CEP128: variants seen among roughly 807,000 people sequenced by gnomAD.
CEP128 encodes centrosomal protein 128kDa.
Under a neutral mutation model 156.7 loss-of-function variants are expected in CEP128, and 132 were observed. That is an observed-to-expected ratio of 0.84 (90% CI 0.73 to 0.97). The LOEUF (loss-of-function observed/expected upper bound fraction) is 0.97, where lower values mean the gene tolerates loss of function less well. Among genes scored for constraint, CEP128 ranks in the 50% least tolerant of loss-of-function variants. CEP128 has a pLI of 0.00. For synonymous variants in CEP128, 469 were observed against 448.9 expected (o/e 1.04, Z -0.57); for missense variants, 1,252 against 1,281.9 (o/e 0.98, Z 0.36).
chr14:80,622,337 C>T (rs1344802769), intron 19 of CEP128, among the ~76,000 whole-genome samples: 10 of 151,864 alleles, frequency 6.6e-5, no homozygotes, highest in Admixed American at 5.9e-4. Flanking sequence ...AAACGTTAGA[C>T]CTAAAACCAT....
At chr14:80,761,323 G>T (rs1358395661) in intron 17 of CEP128, 114 bp downstream of exon 17, 12 of 773,660 alleles carry the variant, frequency 1.6e-5, no homozygotes, top group Non-Finnish European at 2.1e-5. Flanking sequence ...ATGTTATTTT[G>T]TTTTATAAAA....
In CEP128 at chr14:80,858,767, A is replaced by G. The variant is rs1269437384; in HGVS notation, c.762+3990T>C. Among the ~76,000 whole-genome samples, 13 of 152,104 alleles carry G rather than the reference A, an allele frequency of 8.5e-5. 1 individual carries two copies. The East Asian group carries it at 2.3e-3, about 27-fold the overall frequency. On this transcript the variant is annotated intron_variant, in intron 9 of 24. Transcript: ENST00000555265. ...GAACAGACACTTTTCAAAAGAAGAC[A>G]TTTATGCAGCCAAAAAACACATGAA...
intron 19 of CEP128, among the ~76,000 whole-genome samples, chr14:80,589,597 C>T (rs776810499): frequency 6.6e-6 from 1 of 152,058 alleles, no homozygotes; most frequent in Non-Finnish European, 1.5e-5. Flanking sequence ...TGCACACCTG[C>T]GTTTAGCTCC....
intron 19 of CEP128, among the ~76,000 whole-genome samples, chr14:80,596,908 CA>C (rs1892351941): frequency 7.8e-6 from 1 of 128,020 alleles, no homozygotes; most frequent in African/African-American, 3.0e-5. Context: ...ATTTGTAGGA[CA>C]AAGCTGATGC....
intron 15 of CEP128, among the ~76,000 whole-genome samples, chr14:80,782,795 G>C (rs1488248428): frequency 6.6e-6 from 1 of 152,038 alleles, no homozygotes; most frequent in African/African-American, 2.4e-5. Flanking sequence ...CTTTCAGCTT[G>C]CCTGTCACAT....
intron 14 of CEP128, among the ~76,000 whole-genome samples, chr14:80,787,937 C>T (rs1394492723): frequency 6.6e-6 from 1 of 152,170 alleles, no homozygotes; most frequent in Non-Finnish European, 1.5e-5. Context: ...GGCTCTGCTA[C>T]TCTATAACTC....
chr14:80,626,664 ACC>A (rs1893742421), intron 19 of CEP128, among the ~76,000 whole-genome samples: 1 of 150,894 alleles, frequency 6.6e-6, no homozygotes, highest in Non-Finnish European at 1.5e-5. Context: ...TTCAGAAGCA[ACC>A]AATCCTGCCA....
intron 23 of CEP128, among the ~76,000 whole-genome samples, chr14:80,517,079 T>C (rs1888523325): frequency 6.6e-6 from 1 of 152,200 alleles, no homozygotes; most frequent in African/African-American, 2.4e-5. Flanking sequence ...CATTAGGAGC[T>C]GTAGTAATGT....
chr14:80,778,045 G>C lies in CEP128; in HGVS notation c.2213C>G (p.Ala738Gly). The change falls in exon 16 of 25, where the codon GCT becomes GGT. Residue 738 changes from alanine to glycine, a missense_variant and splice_region_variant. Physicochemically the swap from Ala to Gly is moderately conservative, Grantham distance 60. Coordinates refer to ENST00000555265, the MANE Select transcript of CEP128 (RefSeq NM_152446.5). Reference sequence around the variant, plus strand: ...CATATTCTTCTCTTCTAAACTTTCAGCCTGAGAAAAAGAGAAGGAAAAAAC... The same window carrying C: ...CATATTCTTCTCTTCTAAACTTTCACCCTGAGAAAAAGAGAAGGAAAAAAC... Reference protein sequence around the residue: ...EAENHIRTLKAESLEEKNMAK... With the variant: ...EAENHIRTLKGESLEEKNMAK... The C allele has an allele frequency of 2.5e-6, 4 of 1,610,578 alleles. No individual in the cohort carries two copies. Among genetic ancestry groups the C allele is most frequent in the Non-Finnish European group, 3.4e-6 (4 of 1,179,282 alleles).
chr14:80,895,881 A>G, intron 7 of CEP128, 91 bp from the exon 8 acceptor site: 1 of 915,554 alleles, frequency 1.1e-6, no homozygotes, highest in Non-Finnish European at 1.6e-6. Context: ...TTATGTTATT[A>G]CAAAATATTC....
At chr14:80,791,877 A>G (rs1201127615) in intron 14 of CEP128, among the ~76,000 whole-genome samples, 1 of 152,236 alleles carries the variant, frequency 6.6e-6, no homozygotes, top group Non-Finnish European at 1.5e-5. Context: ...GATTTTATAA[A>G]TATAATGCCC....
intron 20 of CEP128, among the ~76,000 whole-genome samples, chr14:80,570,406 G>A (rs1015763511): frequency 1.3e-5 from 2 of 152,094 alleles, no homozygotes; most frequent in Non-Finnish European, 2.9e-5. Context: ...GTGAGTCATC[G>A]TGCCCGGCCC....
At chr14:80,754,860 AT>A (rs1437759576) in intron 18 of CEP128, among the ~76,000 whole-genome samples, 2 of 152,192 alleles carry the variant, frequency 1.3e-5, no homozygotes, top group African/African-American at 4.8e-5. Flanking sequence ...TGGCCTTACC[AT>A]ACCTTGTTAG....
At chr14:80,574,616 T>C (rs1354414051) in intron 20 of CEP128, among the ~76,000 whole-genome samples, 1 of 152,212 alleles carries the variant, frequency 6.6e-6, no homozygotes, top group Non-Finnish European at 1.5e-5. Flanking sequence ...CTGACAACTC[T>C]ACACTGGCAT....
chr14:80,857,133 G>A (rs992865141), intron 9 of CEP128, among the ~76,000 whole-genome samples: 1 of 151,098 alleles, frequency 6.6e-6, no homozygotes, highest in Admixed American at 6.6e-5. Context: ...TGAGTCAGGA[G>A]TTTCCAGGAT....
intron 8 of CEP128, among the ~76,000 whole-genome samples, chr14:80,887,104 A>T (rs1196048312): frequency 6.6e-6 from 1 of 152,222 alleles, no homozygotes; most frequent in Middle Eastern, 3.2e-3. Context: ...TGCGCCCAAT[A>T]CAGGAGCATC....
intron 23 of CEP128, among the ~76,000 whole-genome samples, chr14:80,523,382 T>C (rs1266588753): frequency 6.6e-6 from 1 of 152,234 alleles, no homozygotes; most frequent in Non-Finnish European, 1.5e-5. Context: ...ATGCAGTTTA[T>C]TGGGGCCACT....
At chr14:80,629,155 A>ATTTTATTAT (rs11281646) in intron 19 of CEP128, among the ~76,000 whole-genome samples, 131,450 of 151,854 alleles carry the variant, frequency 0.87, 57,013 homozygotes, top group African/African-American at 0.91. Flanking sequence ...TGACTTTGCC[A>ATTTTATTAT]TTAGCAACAA....
chr14:80,907,927 T>C (rs980400006), intron 4 of CEP128, among the ~76,000 whole-genome samples: 1 of 152,172 alleles, frequency 6.6e-6, no homozygotes. Flanking sequence ...GTGATTTTGA[T>C]CATAAAAATT....
Sources: allele counts gnomAD v4.1 joint callset (sites outside exome capture counted in the v4.1 genomes callset), GRCh38; gene constraint gnomAD v4.1.1; transcripts MANE v1.5; gene names NCBI Gene and HGNC (gene_info 2026-07-23, HGNC 2026-07-21).